The following SLC25A20 variants were observed in gnomAD, a reference collection of about 807,000 sequenced individuals.
SLC25A20 encodes mitochondrial carnitine/acylcarnitine carrier protein.
A neutral mutation model predicts 39.7 loss-of-function variants in SLC25A20; 29 were observed. The ratio of observed to expected loss-of-function variants is 0.73; its 90% CI spans 0.54 to 1.00. SLC25A20 has a LOEUF of 1.00. SLC25A20 is among the 50% of genes least tolerant of loss of function. The pLI, the probability that SLC25A20 is intolerant of heterozygous loss-of-function variation, is 0.00. For synonymous variants in SLC25A20, 103 were observed against 142.2 expected (o/e 0.72, Z 1.96); for missense variants, 333 against 379.9 (o/e 0.88, Z 1.03).
intron 4 of SLC25A20, among the ~76,000 whole-genome samples, chr3:48,871,803 A>C (rs1392851057): frequency 2.0e-5 from 3 of 151,068 alleles, no homozygotes; most frequent in Non-Finnish European, 4.4e-5. Context: ...GAGAGAAACA[A>C]ATCACACAAA....
At chr3:48,893,550 T>C (rs768501575) in intron 1 of SLC25A20, among the ~76,000 whole-genome samples, 1 of 152,036 alleles carries the variant, frequency 6.6e-6, no homozygotes, top group Non-Finnish European at 1.5e-5. Flanking sequence ...TATTTATTTA[T>C]TGAGACAGGG....
At chr3:48,894,117 C>T (rs1381637723) in intron 1 of SLC25A20, among the ~76,000 whole-genome samples, 3 of 147,198 alleles carry the variant, frequency 2.0e-5, no homozygotes, top group Non-Finnish European at 4.5e-5. Flanking sequence ...GTCAAAATCG[C>T]ACCTTTGCAC....
At chr3:48,882,734 T>A (rs1315111381) in intron 3 of SLC25A20, among the ~76,000 whole-genome samples, 1 of 151,992 alleles carries the variant, frequency 6.6e-6, no homozygotes, top group Non-Finnish European at 1.5e-5. Context: ...AAAAAAAATT[T>A]AAAAATTAGC....
chr3:48,857,132 TA>T lies in SLC25A20; in HGVS notation c.*577del, dbSNP rs533476473. 354 of 145,974 alleles carry T rather than the reference TA, an allele frequency of 2.4e-3. 1 individual carries two copies. The highest frequency in any genetic ancestry group is 5.9e-3 in the South Asian group (28 of 4,754). 9.0% of individuals were successfully genotyped at this position (145,974 alleles called of 1,614,324 possible). A position where few individuals can be genotyped will look rare whatever the true frequency, so the allele number is the denominator to read the frequency against. On this transcript the variant is annotated 3_prime_UTR_variant, in exon 9 of 9. Transcript: ENST00000319017. ...TTTTACTTTTGATTATTTGCAGGCA[TA>T]AAAAAAAAAAATCAAAATCCAACGA...
At chr3:48,857,810 A>G (rs756612514) in intron 8 of SLC25A20, 38 bp from the exon 9 acceptor site, 11 of 1,586,926 alleles carry the variant, frequency 6.9e-6, no homozygotes. Context: ...AGCCAGCAGG[A>G]ATAACTATTC....
At chr3:48,881,250 C>T (rs1575988240) in intron 3 of SLC25A20, among the ~76,000 whole-genome samples, 1 of 152,206 alleles carries the variant, frequency 6.6e-6, no homozygotes, top group African/African-American at 2.4e-5. Flanking sequence ...CTTTCCAACA[C>T]GGCCATCTTC....
At chr3:48,884,264 A>G in intron 2 of SLC25A20, 140 bp from the exon 3 acceptor site, 1 of 1,051,404 alleles carries the variant, frequency 9.5e-7, no homozygotes. Flanking sequence ...ATGGAAGAAA[A>G]TCTCCCACAT....
At chr3:48,882,962 C>A (rs1039390586) in intron 3 of SLC25A20, among the ~76,000 whole-genome samples, 1 of 148,290 alleles carries the variant, frequency 6.7e-6, no homozygotes, top group East Asian at 2.0e-4. Context: ...CCAAAGGGGG[C>A]GGATCACGAG....
chr3:48,876,585 C>G (rs977035796), intron 4 of SLC25A20, among the ~76,000 whole-genome samples: 6 of 151,078 alleles, frequency 4.0e-5, no homozygotes, highest in African/African-American at 1.2e-4. Context: ...ACCACCACTC[C>G]TGGCTAATTT....
chr3:48,866,613 G>A (rs2083671354), intron 4 of SLC25A20, among the ~76,000 whole-genome samples: 1 of 151,986 alleles, frequency 6.6e-6, no homozygotes, highest in African/African-American at 2.4e-5. Context: ...GAGTTTTTGT[G>A]TAAGAGGGAG....
intron 6 of SLC25A20, 82 bp from the exon 7 acceptor site, chr3:48,859,283 C>T: frequency 7.9e-7 from 1 of 1,273,882 alleles, no homozygotes; most frequent in Non-Finnish European, 1.1e-6. Flanking sequence ...GCAGACAGGG[C>T]AGTTACAGAC....
At chr3:48,889,100 A>G (rs1226925871) in intron 2 of SLC25A20, among the ~76,000 whole-genome samples, 1 of 152,100 alleles carries the variant, frequency 6.6e-6, no homozygotes, top group Admixed American at 6.6e-5. Context: ...CAAAAAAAAA[A>G]AAGTTATATT....
chr3:48,860,648 C>A (rs1239754654), intron 5 of SLC25A20, among the ~76,000 whole-genome samples: 1 of 151,374 alleles, frequency 6.6e-6, no homozygotes, highest in Non-Finnish European at 1.5e-5. Context: ...ATTAGCCCGG[C>A]CTGGTGGCAC....
intron 2 of SLC25A20, among the ~76,000 whole-genome samples, chr3:48,889,631 G>C (rs1310919202): frequency 6.6e-6 from 1 of 151,936 alleles, no homozygotes; most frequent in Non-Finnish European, 1.5e-5. Context: ...GCCCAGGCTG[G>C]AGTGCAATGG....
intron 4 of SLC25A20, among the ~76,000 whole-genome samples, chr3:48,871,319 T>C (rs1042429974): frequency 6.6e-6 from 1 of 150,706 alleles, no homozygotes; most frequent in Non-Finnish European, 1.5e-5. Flanking sequence ...GAGTAGAAAA[T>C]TGTTCTAGGA....
At chr3:48,877,374 T>C (rs2083766419) in intron 4 of SLC25A20, among the ~76,000 whole-genome samples, 1 of 146,958 alleles carries the variant, frequency 6.8e-6, no homozygotes, top group Admixed American at 6.9e-5. Context: ...AGGAGTGCAA[T>C]GGCGCCACTG....
intron 1 of SLC25A20, among the ~76,000 whole-genome samples, chr3:48,898,367 G>A (rs2083925029): frequency 6.6e-6 from 1 of 152,228 alleles, no homozygotes; most frequent in Admixed American, 6.5e-5. Flanking sequence ...ATTAGTGTTG[G>A]CTGAAACCAA....
At chr3:48,888,615 A>AAATAAATG (rs2083851998) in intron 2 of SLC25A20, among the ~76,000 whole-genome samples, 1 of 150,788 alleles carries the variant, frequency 6.6e-6, no homozygotes, top group Non-Finnish European at 1.5e-5. Context: ...ATAAATAAAT[A>AAATAAATG]GTTTAAAAAG....
intron 4 of SLC25A20, among the ~76,000 whole-genome samples, chr3:48,871,989 T>TC (rs1292919770): frequency 2.2e-5 from 3 of 136,360 alleles, no homozygotes; most frequent in Non-Finnish European, 4.7e-5. Context: ...CTAATTTTTT[T>TC]TTTTTTTTTT....
Sources: gnomAD v4.1 joint callset for allele counts (sites outside exome capture counted in the v4.1 genomes callset) on GRCh38, gnomAD v4.1.1 for gene constraint, MANE v1.5 for transcripts, NCBI Gene and HGNC (gene_info 2026-07-23, HGNC 2026-07-21) for gene names.